FAM13A: variants seen among roughly 807,000 people sequenced by gnomAD.
FAM13A encodes protein FAM13A.
FAM13A carries 76 observed loss-of-function variants against 129.6 expected under a neutral mutation model. The ratio of observed to expected loss-of-function variants is 0.59; its 90% CI spans 0.49 to 0.71. The LOEUF is 0.71. FAM13A is among the 30% of genes least tolerant of loss of function. The pLI, the probability that FAM13A is intolerant of heterozygous loss-of-function variation, is 0.00. For synonymous variants in FAM13A, 443 were observed against 449.9 expected, an observed-to-expected ratio of 0.98 and a Z score of 0.20; for missense variants, 1,108 against 1,249.3, an observed-to-expected ratio of 0.89 and a Z score of 1.70.
intron 11 of FAM13A, among the ~76,000 whole-genome samples, chr4:88,775,561 G>A (rs1338676936): frequency 3.3e-5 from 5 of 152,020 alleles, no homozygotes; most frequent in Non-Finnish European, 7.4e-5. Flanking sequence ...TTAAAAATTA[G>A]CTGGGTGTGG....
At chr4:88,942,272 G>A (rs2148829387) in intron 4 of FAM13A, among the ~76,000 whole-genome samples, 1 of 152,262 alleles carries the variant, frequency 6.6e-6, no homozygotes, top group South Asian at 2.1e-4. Flanking sequence ...TTGACATTTA[G>A]AAATGTCAAA....
intron 4 of FAM13A, among the ~76,000 whole-genome samples, chr4:88,945,784 T>C (rs866834641): frequency 1.5e-5 from 2 of 135,382 alleles, no homozygotes; most frequent in South Asian, 4.4e-4. Context: ...TATGTGGTTG[T>C]ATATATATAT....
chr4:88,828,844 T>C (rs1733449201), intron 7 of FAM13A, among the ~76,000 whole-genome samples: 1 of 152,232 alleles, frequency 6.6e-6, no homozygotes, highest in African/African-American at 2.4e-5. Flanking sequence ...GGTTATATAT[T>C]GATGTGCAAT....
intron 8 of FAM13A, among the ~76,000 whole-genome samples, chr4:88,804,217 C>T (rs1161192581): frequency 6.6e-6 from 1 of 151,838 alleles, no homozygotes; most frequent in African/African-American, 2.4e-5. Flanking sequence ...CATGCCACTG[C>T]AATCCAGCCT....
chr4:89,022,945 C>A (rs866997173), intron 2 of FAM13A, among the ~76,000 whole-genome samples: 3 of 152,164 alleles, frequency 2.0e-5, no homozygotes, highest in Non-Finnish European at 4.4e-5. Flanking sequence ...CCTGTTGAGT[C>A]CTGATATGAC....
intron 1 of FAM13A, among the ~76,000 whole-genome samples, chr4:89,046,227 G>C (rs1770837730): frequency 6.6e-6 from 1 of 151,218 alleles, no homozygotes; most frequent in African/African-American, 2.4e-5. Flanking sequence ...GAAAAGACCA[G>C]CAAAAAAATT....
At chr4:88,908,515 G>T (rs1415064122) in intron 5 of FAM13A, among the ~76,000 whole-genome samples, 1 of 152,148 alleles carries the variant, frequency 6.6e-6, no homozygotes, top group Non-Finnish European at 1.5e-5. Context: ...GCAAAAAACA[G>T]AAGTGACAGT....
chr4:88,902,266 C>A (rs1747417643), intron 6 of FAM13A, among the ~76,000 whole-genome samples: 1 of 152,158 alleles, frequency 6.6e-6, no homozygotes, highest in African/African-American at 2.4e-5. Flanking sequence ...ATGAGGCCAG[C>A]ATCATCCTGA....
intron 3 of FAM13A, among the ~76,000 whole-genome samples, chr4:89,012,777 G>A (rs1765906604): frequency 6.6e-6 from 1 of 152,078 alleles, no homozygotes; most frequent in South Asian, 2.1e-4. Flanking sequence ...GCATGGAAGA[G>A]AGGACTTTGA....
chr4:88,923,112 A>G (rs1387165325), intron 5 of FAM13A, among the ~76,000 whole-genome samples: 1 of 152,188 alleles, frequency 6.6e-6, no homozygotes, highest in Admixed American at 6.5e-5. Flanking sequence ...GCCGAATTCT[A>G]CCAGAGGTAC....
intron 3 of FAM13A, among the ~76,000 whole-genome samples, chr4:89,004,429 G>A (rs368659546): frequency 2.0e-5 from 3 of 152,122 alleles, no homozygotes; most frequent in African/African-American, 7.2e-5. Context: ...GTGAGCCACC[G>A]AATCCAGCCC....
At chr4:88,779,402 AGTC>A (rs1477662296) in intron 11 of FAM13A, among the ~76,000 whole-genome samples, 1 of 152,198 alleles carries the variant, frequency 6.6e-6, no homozygotes, top group Non-Finnish European at 1.5e-5. Flanking sequence ...TCTTAATATT[AGTC>A]GTCGTTGTGT....
At chr4:88,927,710 C>T (rs1752433579) in intron 5 of FAM13A, among the ~76,000 whole-genome samples, 1 of 151,580 alleles carries the variant, frequency 6.6e-6, no homozygotes, top group African/African-American at 2.4e-5. Context: ...GTTATGTTTC[C>T]TTTTTCATTT....
chr4:88,945,988 GTGTATA>G (rs1386127276), intron 4 of FAM13A, among the ~76,000 whole-genome samples: 7 of 13,676 alleles, frequency 5.1e-4, no homozygotes, highest in African/African-American at 2.3e-3. Context: ...GTGTGTGTGT[GTGTATA>G]TATATATATA....
intron 4 of FAM13A, among the ~76,000 whole-genome samples, chr4:88,955,377 C>G (rs1259214108): frequency 6.6e-6 from 1 of 152,190 alleles, no homozygotes; most frequent in Non-Finnish European, 1.5e-5. Context: ...TGAGGCCTCC[C>G]CAGCCATGTT....
intron 6 of FAM13A, among the ~76,000 whole-genome samples, chr4:88,884,924 C>T (rs1272588620): frequency 6.6e-6 from 1 of 152,084 alleles, no homozygotes; most frequent in Non-Finnish European, 1.5e-5. Flanking sequence ...AAATCAAATA[C>T]TTAGGAATAT....
At chr4:88,788,614 C>T (rs1354054410) in intron 9 of FAM13A, among the ~76,000 whole-genome samples, 1 of 152,076 alleles carries the variant, frequency 6.6e-6, no homozygotes, top group Non-Finnish European at 1.5e-5. Context: ...CACATAAGCA[C>T]AAAGTGCTGA....
At chr4:88,865,207 G>A (rs1740174215) in intron 6 of FAM13A, among the ~76,000 whole-genome samples, 1 of 152,008 alleles carries the variant, frequency 6.6e-6, no homozygotes, top group Non-Finnish European at 1.5e-5. Context: ...TATATCTCAG[G>A]AAAAGCCATA....
intron 6 of FAM13A, among the ~76,000 whole-genome samples, chr4:88,872,453 A>G (rs922735258): frequency 2.0e-5 from 3 of 152,248 alleles, no homozygotes; most frequent in Non-Finnish European, 4.4e-5. Context: ...TCTACCAAGC[A>G]AATGGAAAGC....
Sources: allele counts gnomAD v4.1 joint callset (sites outside exome capture counted in the v4.1 genomes callset), GRCh38; gene constraint gnomAD v4.1.1; transcripts MANE v1.5; gene names NCBI Gene and HGNC (gene_info 2026-07-23, HGNC 2026-07-21).